FOXK1: variants seen among roughly 807,000 people sequenced by gnomAD.
FOXK1 encodes forkhead box K1.
FOXK1 carries 19 observed loss-of-function variants against 51.9 expected under a neutral mutation model. That is an observed-to-expected ratio of 0.37 (90% CI 0.26 to 0.54). The LOEUF (loss-of-function observed/expected upper bound fraction) is 0.54, where lower values mean the gene tolerates loss of function less well. FOXK1 is among the 20% of genes least tolerant of loss of function. The pLI, the probability that FOXK1 is intolerant of heterozygous loss-of-function variation, is 0.87. For missense variants in FOXK1, 870 were observed against 1,032.7 expected (o/e 0.84, Z 2.16); for synonymous variants, 537 against 482.6 (o/e 1.11, Z -1.48).
At position 4,743,680 on chromosome 7, in the gene FOXK1, C is replaced by T. The variant is rs966453115; in HGVS notation, c.746+2657C>T. Among the ~76,000 whole-genome samples, 2 of 152,212 alleles carry T rather than the reference C, an allele frequency of 1.3e-5. No individual in the cohort carries two copies. Among genetic ancestry groups the T allele is most frequent in the South Asian group, 4.1e-4 (2 of 4,834 alleles). ...GGCGCTGTAGAAATGGTGGCCAAGA[C>T]CAGCTCACGTGCTAGTGGAAGCTCA... On this transcript the variant is annotated intron_variant, in intron 2 of 8. Transcript: ENST00000328914. This position sits in a 1 kb window ranked among gnomAD's most constrained non-coding sequence, Gnocchi z 5.3.
chr7:4,737,581 T>G (rs556011656), intron 1 of FOXK1, among the ~76,000 whole-genome samples: 2 of 150,864 alleles, frequency 1.3e-5, no homozygotes, highest in East Asian at 2.0e-4. Flanking sequence ...TGTGCATGCA[T>G]GTGTTGATAC....
rs556767224 is a variant in FOXK1 at position 4,683,676 on chromosome 7, C to G, written c.560+808C>G. Reference sequence around the variant, plus strand: ...CACCAGCCAGGGCCTCAAGTCACCCCAGTGCCTGATGCCTGCCGTCCTGGA... The same window carrying G: ...CACCAGCCAGGGCCTCAAGTCACCCGAGTGCCTGATGCCTGCCGTCCTGGA... On this transcript the variant is annotated intron_variant, in intron 1 of 8. Coordinates refer to ENST00000328914, the MANE Select transcript of FOXK1 (RefSeq NM_001037165.2). This position sits in a 1 kb window ranked among gnomAD's most constrained non-coding sequence, Gnocchi z 4.5. Among the ~76,000 whole-genome samples the G allele has an allele frequency of 6.6e-6, 1 of 152,226 alleles. No homozygotes were observed. Among genetic ancestry groups the G allele is most frequent in the Admixed American group, 6.5e-5 (1 of 15,280 alleles).
rs1187526360 is a variant in FOXK1 at position 4,731,926 on chromosome 7, A to G, written c.561-8912A>G. On this transcript the variant is annotated intron_variant, in intron 1 of 8. Coordinates refer to ENST00000328914, the MANE Select transcript of FOXK1 (RefSeq NM_001037165.2). The surrounding 1 kb of genome is among the most constrained non-coding windows in gnomAD (Gnocchi z 5.3). ...AGCCGTCCGGTCAGGACTGATGTTC[A>G]CGGCATGGAGACCTGAGGCCACACG... is the stretch of plus-strand genomic sequence containing the variant. Among the ~76,000 whole-genome samples, 1 of 152,146 alleles carries G rather than the reference A, an allele frequency of 6.6e-6. No homozygotes were observed. Among genetic ancestry groups the G allele is most frequent in the African/African-American group, 2.4e-5 (1 of 41,428 alleles).
At position 4,723,100 on chromosome 7, in the gene FOXK1, G is replaced by A. The variant is rs1447877870; in HGVS notation, c.561-17738G>A. On this transcript the variant is annotated intron_variant, in intron 1 of 8. Coordinates refer to ENST00000328914, the MANE Select transcript of FOXK1 (RefSeq NM_001037165.2). This position sits in a 1 kb window ranked among gnomAD's most constrained non-coding sequence, Gnocchi z 4.7. ...TCTTCCCAAGCCTGTTGACGATGAT[G>A]GTAACGGCACCGTGCTCACTCCAAC... Among the ~76,000 whole-genome samples, 1 of 151,960 alleles carries A rather than the reference G, an allele frequency of 6.6e-6. No homozygotes were observed. Among genetic ancestry groups the A allele is most frequent in the Admixed American group, 6.6e-5 (1 of 15,240 alleles).
rs1295254579 is a variant in FOXK1 at position 4,771,388 on chromosome 7, T to C, written c.*8924T>C. ...TATGTGGATGGGGAAGTTTTGTTTC[T>C]CCTCTTAGCATTTGTTTCTATAACC... is the stretch of plus-strand genomic sequence containing the variant. On this transcript the variant is annotated 3_prime_UTR_variant, in exon 9 of 9. Transcript: ENST00000328914. 6.6e-6 allele frequency: 1 copy of C among 152,554 alleles called. No individual in the cohort carries two copies. Among genetic ancestry groups the C allele is most frequent in the Non-Finnish European group, 1.5e-5 (1 of 68,032 alleles). 9.5% of individuals were successfully genotyped at this position (152,554 alleles called of 1,614,324 possible).
chr7:4,710,269 A>G (rs1306502738), intron 1 of FOXK1, among the ~76,000 whole-genome samples: 1 of 152,202 alleles, frequency 6.6e-6, no homozygotes, highest in Non-Finnish European at 1.5e-5. Context: ...AGGATAGGCC[A>G]GTGTACTGGC....
At chr7:4,686,882 G>C (rs575505363) in intron 1 of FOXK1, among the ~76,000 whole-genome samples, 106 of 151,778 alleles carry the variant, frequency 7.0e-4, no homozygotes, top group African/African-American at 2.5e-3. Context: ...AGGTGTGTGT[G>C]TGCACATGTG....
At chr7:4,701,664 G>A (rs922313052) in intron 1 of FOXK1, among the ~76,000 whole-genome samples, 7 of 152,280 alleles carry the variant, frequency 4.6e-5, no homozygotes, top group Non-Finnish European at 8.8e-5. Flanking sequence ...AGGTCGAGGC[G>A]GGCGGATTAT....
chr7:4,761,008 G>T lies in FOXK1; in HGVS notation c.1697-56G>T. On this transcript the variant is annotated intron_variant, in intron 7 of 8. Coordinates refer to ENST00000328914, the MANE Select transcript of FOXK1 (RefSeq NM_001037165.2). This position sits in a 1 kb window ranked among gnomAD's most constrained non-coding sequence, Gnocchi z 6.2. ...GTCCGACCTGCTGCCCAGGCGTCGA[G>T]GAAATCGATTGTCTCGTTGGCCGAG... The T allele has an allele frequency of 6.5e-7, 1 of 1,546,610 alleles. No homozygotes were observed. The highest frequency in any genetic ancestry group is 8.9e-7 in the Non-Finnish European group (1 of 1,123,174).
At position 4,696,687 on chromosome 7, in the gene FOXK1, A is replaced by G. The variant is rs138121035; in HGVS notation, c.560+13819A>G. Among the ~76,000 whole-genome samples, 680 of 152,312 alleles carry G rather than the reference A, an allele frequency of 4.5e-3. 9 individuals are homozygous for G. Among genetic ancestry groups the G allele is most frequent in the African/African-American group, 0.016 (656 of 41,574 alleles). ...GACACACTTCCAGGTGTCATCTGCT[A>G]TAACCTGCTAGCCCTTCTAATAGAT... On this transcript the variant is annotated intron_variant, in intron 1 of 8. Transcript: ENST00000328914.
intron 1 of FOXK1, among the ~76,000 whole-genome samples, chr7:4,739,163 C>A (rs1421876181): frequency 6.6e-6 from 1 of 152,158 alleles, no homozygotes; most frequent in South Asian, 2.1e-4. Flanking sequence ...GGCATAGACC[C>A]AGCAGCCTGG....
chr7:4,748,807 T>C lies in FOXK1; in HGVS notation c.747-5652T>C, dbSNP rs1294399336. Among the ~76,000 whole-genome samples, 1 of 152,098 alleles carries C rather than the reference T, an allele frequency of 6.6e-6. No individual in the cohort carries two copies. The highest frequency in any genetic ancestry group is 6.5e-5 in the Admixed American group (1 of 15,270). On this transcript the variant is annotated intron_variant, in intron 2 of 8. Coordinates refer to ENST00000328914, the MANE Select transcript of FOXK1 (RefSeq NM_001037165.2). The surrounding 1 kb of genome is among the most constrained non-coding windows in gnomAD (Gnocchi z 4.9). Reference sequence around the variant, plus strand: ...GAGCCTCCTGCCTCAGCCTCCCGAGTAGTAGGGACTACAGGTGTGCACCAC... The same window carrying C: ...GAGCCTCCTGCCTCAGCCTCCCGAGCAGTAGGGACTACAGGTGTGCACCAC...
intron 1 of FOXK1, among the ~76,000 whole-genome samples, chr7:4,693,553 C>T (rs1230151125): frequency 6.6e-6 from 1 of 152,138 alleles, no homozygotes. Context: ...CTGTTAGTTA[C>T]TGCCGTTATT....
At chr7:4,742,366 C>T (rs955830376) in intron 2 of FOXK1, among the ~76,000 whole-genome samples, 1 of 152,184 alleles carries the variant, frequency 6.6e-6, no homozygotes, top group Admixed American at 6.5e-5. Flanking sequence ...CCGGCCGCAC[C>T]TTGGCTTGCT....
chr7:4,704,047 G>C (rs1340600044), intron 1 of FOXK1, among the ~76,000 whole-genome samples: 1 of 152,188 alleles, frequency 6.6e-6, no homozygotes. Flanking sequence ...CTTCCGATCA[G>C]TGTCTAACCC....
chr7:4,762,672 A>G lies in FOXK1; in HGVS notation c.*208A>G. 1.7e-6 allele frequency: 1 copy of G among 575,576 alleles called. No individual in the cohort carries two copies. Among genetic ancestry groups the G allele is most frequent in the South Asian group, 2.2e-5 (1 of 45,400 alleles). 35.7% of individuals were successfully genotyped at this position (575,576 alleles called of 1,614,324 possible). A position where few individuals can be genotyped will look rare whatever the true frequency, so the allele number is the denominator to read the frequency against. On this transcript the variant is annotated 3_prime_UTR_variant, in exon 9 of 9. Coordinates refer to ENST00000328914, the MANE Select transcript of FOXK1 (RefSeq NM_001037165.2). This position sits in a 1 kb window ranked among gnomAD's most constrained non-coding sequence, Gnocchi z 5.7. ...AAAAACACATAAACAAGTTCAGACA[A>G]CTGATTGTATGATTCTGGGAATTCT...
chr7:4,684,404 A>T (rs1001417394), intron 1 of FOXK1, among the ~76,000 whole-genome samples: 2 of 152,178 alleles, frequency 1.3e-5, no homozygotes, highest in African/African-American at 4.8e-5. Context: ...CAGATATCGC[A>T]TTGAATAATT....
rs1017558423 is a variant in FOXK1 at position 4,770,761 on chromosome 7, C to G, written c.*8297C>G. 1.3e-5 allele frequency: 2 copies of G among 151,800 alleles called. No individual in the cohort carries two copies. The highest frequency in any genetic ancestry group is 4.8e-5 in the African/African-American group (2 of 41,262). The allele number at this position is 151,800 out of a possible 1,614,324, so 9.4% of individuals were successfully genotyped here. A position where few individuals can be genotyped will look rare whatever the true frequency, so the allele number is the denominator to read the frequency against. On this transcript the variant is annotated 3_prime_UTR_variant, in exon 9 of 9. Transcript: ENST00000328914. ...TGACAAAGGCCGGCAGCTCAGCACA[C>G]GTGCAGGAGGGGTTAAAGCCAATAT...
intron 1 of FOXK1, among the ~76,000 whole-genome samples, chr7:4,712,933 T>G (rs1490072033): frequency 2.0e-5 from 3 of 152,166 alleles, no homozygotes; most frequent in Admixed American, 6.5e-5. Flanking sequence ...TGCTCAGAGC[T>G]CTGTGACTTC....
Sources: gnomAD v4.1 joint callset for allele counts (sites outside exome capture counted in the v4.1 genomes callset) on GRCh38, gnomAD v4.1.1 for gene constraint, Gnocchi (gnomAD v3.1) non-coding constraint, MANE v1.5 for transcripts, NCBI Gene and HGNC (gene_info 2026-07-23, HGNC 2026-07-21) for gene names.